Variants in UPF2 observed in about 807,000 individuals in gnomAD.
The protein encoded by UPF2 is UPF2 regulator of nonsense mediated mRNA decay.
Under a neutral mutation model 141.4 loss-of-function variants are expected in UPF2, and 17 were observed. The ratio of observed to expected loss-of-function variants is 0.12; its 90% CI spans 0.08 to 0.18. The LOEUF (loss-of-function observed/expected upper bound fraction) is 0.18, where lower values mean the gene tolerates loss of function less well. Among genes scored for constraint, UPF2 ranks in the 10% least tolerant of loss-of-function variants. UPF2 has a pLI of 1.00. For synonymous variants in UPF2, 540 were observed against 498.0 expected, an observed-to-expected ratio of 1.08 and a Z score of -1.12; for missense variants, 1,152 against 1,515.9, an observed-to-expected ratio of 0.76 and a Z score of 3.99.
chr10:11,920,034 C>T lies in UPF2; in HGVS notation c.*1264G>A, dbSNP rs541761394. The T allele has an allele frequency of 2.0e-5, 3 of 152,346 alleles. No homozygotes were observed. The highest frequency in any genetic ancestry group is 3.9e-4 in the East Asian group (2 of 5,188). 9.4% of individuals were successfully genotyped at this position (152,346 alleles called of 1,614,324 possible). On this transcript the variant is annotated 3_prime_UTR_variant, in exon 22 of 22. Transcript: ENST00000357604. ...ACCACGCCAAATCTAAATTACAACA[C>T]TTTATTGCAGCATCGGCAAAGGTCA... is the stretch of plus-strand genomic sequence containing the variant.
intron 8 of UPF2, among the ~76,000 whole-genome samples, chr10:11,983,038 G>C (rs1833625080): frequency 1.3e-5 from 2 of 152,180 alleles, no homozygotes; most frequent in African/African-American, 2.4e-5. Flanking sequence ...GTGGCAGACA[G>C]TTCACCAGCA....
chr10:12,005,722 C>G (rs1834024555), intron 4 of UPF2, among the ~76,000 whole-genome samples: 1 of 152,128 alleles, frequency 6.6e-6, no homozygotes, highest in Admixed American at 6.5e-5. Flanking sequence ...GCGCCCGCCA[C>G]CACACTTGGC....
At position 11,936,735 on chromosome 10, in the gene UPF2, T is replaced by A; in HGVS notation, c.3379-23A>T. 6.3e-7 allele frequency: 1 copy of A among 1,592,450 alleles called. No homozygotes were observed. Among genetic ancestry groups the A allele is most frequent in the Non-Finnish European group, 8.5e-7 (1 of 1,169,978 alleles). ...TTGCTAAAAGAAATTAAAAAGGACA[T>A]AATAAACACTCCAAGATATATACGG... On this transcript the variant is annotated intron_variant, in intron 18 of 21. Transcript: ENST00000357604. This position sits in a 1 kb window ranked among gnomAD's most constrained non-coding sequence, Gnocchi z 6.6.
At chr10:12,033,214 G>C (rs961881280) in intron 2 of UPF2, among the ~76,000 whole-genome samples, 2 of 151,788 alleles carry the variant, frequency 1.3e-5, no homozygotes, top group Non-Finnish European at 2.9e-5. Flanking sequence ...GACTAACTTA[G>C]AAAAAAAAGA....
In UPF2 at chr10:11,935,290, G is replaced by A. The variant is rs568687029; in HGVS notation, c.3546+1255C>T. ...CCTCCCAACACCAGAATGAAAGCTC[G>A]CAAGAGAGGAAGGACTCTGGCTAAC... On this transcript the variant is annotated intron_variant, in intron 19 of 21. Coordinates refer to ENST00000357604, the MANE Select transcript of UPF2 (RefSeq NM_015542.4). This position sits in a 1 kb window ranked among gnomAD's most constrained non-coding sequence, Gnocchi z 4.9. Among the ~76,000 whole-genome samples, 8 of 152,216 alleles carry A rather than the reference G, an allele frequency of 5.3e-5. No individual in the cohort carries two copies. The South Asian group carries it at 1.2e-3, about 24-fold the overall frequency.
At chr10:11,937,133 AC>A (rs1337230552) in intron 18 of UPF2, among the ~76,000 whole-genome samples, 15 of 152,370 alleles carry the variant, frequency 9.8e-5, no homozygotes, top group African/African-American at 2.4e-4. Flanking sequence ...GCAGGGCGTT[AC>A]CCACAGCAGG....
intron 3 of UPF2, among the ~76,000 whole-genome samples, chr10:12,015,250 A>C (rs993817688): frequency 6.6e-6 from 1 of 152,230 alleles, no homozygotes; most frequent in Non-Finnish European, 1.5e-5. Flanking sequence ...CAGTGAAGAA[A>C]ACGAGGTTTT....
At chr10:11,928,615 A>G in intron 21 of UPF2, 1 of 196,064 alleles carries the variant, frequency 5.1e-6, no homozygotes, top group South Asian at 6.8e-5. Flanking sequence ...AGGCTGAGGC[A>G]GGAGAATGGC....
chr10:12,005,419 T>A (rs1163866886), intron 4 of UPF2, among the ~76,000 whole-genome samples: 2 of 152,146 alleles, frequency 1.3e-5, no homozygotes, highest in Non-Finnish European at 2.9e-5. Context: ...AAAGTTTAGG[T>A]AATTTCAACA....
chr10:12,017,385 A>T (rs1029998488), intron 3 of UPF2, among the ~76,000 whole-genome samples: 2 of 152,242 alleles, frequency 1.3e-5, no homozygotes, highest in East Asian at 3.8e-4. Flanking sequence ...TATAAGCAGT[A>T]GCAAGGTGAT....
chr10:12,007,834 GTAATAA>G (rs140872031), intron 4 of UPF2, among the ~76,000 whole-genome samples: 11,732 of 134,472 alleles, frequency 0.087, 666 homozygotes, highest in South Asian at 0.25. Flanking sequence ...CCGTCTCAAA[GTAATAA>G]TAATAATAAT....
chr10:12,029,195 C>T lies in UPF2; in HGVS notation c.695G>A (p.Arg232His), dbSNP rs1834471998. 1 of 1,614,082 alleles carries T rather than the reference C, an allele frequency of 6.2e-7. No homozygotes were observed. The highest frequency in any genetic ancestry group is 1.7e-5 in the Admixed American group (1 of 59,990). Residue 232 changes from arginine (R) to histidine (H), a missense_variant, in exon 3 of 22, where the codon CGT (arginine) becomes CAT (histidine). Transcript: ENST00000357604. Reference protein sequence around the residue: ...AVHLCSLFHQRYADFAPSLLQ... With the variant: ...AVHLCSLFHQHYADFAPSLLQ... Reference sequence around the variant, plus strand: ...AAGTGATGGGGCAAAGTCAGCATAACGCTGGTGAAAGAGAGAGCAGAGGTG... The same window carrying T: ...AAGTGATGGGGCAAAGTCAGCATAATGCTGGTGAAAGAGAGAGCAGAGGTG...
intron 3 of UPF2, among the ~76,000 whole-genome samples, chr10:12,015,757 T>C (rs899584366): frequency 5.3e-5 from 8 of 152,148 alleles, no homozygotes; most frequent in African/African-American, 2.4e-5. Flanking sequence ...TATTTTCAAT[T>C]TTCCGAATAT....
intron 9 of UPF2, among the ~76,000 whole-genome samples, chr10:11,970,414 C>G (rs1833397226): frequency 6.6e-6 from 1 of 151,886 alleles, no homozygotes; most frequent in Admixed American, 6.6e-5. Context: ...AGTAATGAAA[C>G]TGGGATTTTT....
chr10:11,990,591 A>C (rs2131248567), intron 8 of UPF2, among the ~76,000 whole-genome samples: 1 of 151,412 alleles, frequency 6.6e-6, no homozygotes, highest in South Asian at 2.1e-4. Context: ...GAGGCAGGAG[A>C]ATAGCGTGAA....
At chr10:12,020,554 A>T (rs1489787349) in intron 3 of UPF2, among the ~76,000 whole-genome samples, 1 of 152,240 alleles carries the variant, frequency 6.6e-6, no homozygotes, top group African/African-American at 2.4e-5. Flanking sequence ...ATAAAATCAT[A>T]AAAAGACAGA....
chr10:12,032,439 A>G (rs890160694), intron 2 of UPF2, among the ~76,000 whole-genome samples: 5 of 152,112 alleles, frequency 3.3e-5, no homozygotes, highest in Non-Finnish European at 7.3e-5. Context: ...AGGGGGAAAA[A>G]GTGGGTAATT....
chr10:11,936,406 CTA>C lies in UPF2; in HGVS notation c.3546+137_3546+138del. On this transcript the variant is annotated intron_variant, in intron 19 of 21. Transcript: ENST00000357604. This position sits in a 1 kb window ranked among gnomAD's most constrained non-coding sequence, Gnocchi z 6.6. Reference sequence around the variant, plus strand: ...AAAACAAAAACAAAAACAAAAAAAACTATATAAGGGAAGAAATTATTCTACCA... The same window carrying C: ...AAAACAAAAACAAAAACAAAAAAAACTATAAGGGAAGAAATTATTCTACCA... 1 of 897,982 alleles carries C rather than the reference CTA, an allele frequency of 1.1e-6. No homozygotes were observed. The highest frequency in any genetic ancestry group is 1.5e-6 in the Non-Finnish European group (1 of 656,456). 55.6% of individuals were successfully genotyped at this position (897,982 alleles called of 1,614,324 possible). A position where few individuals can be genotyped will look rare whatever the true frequency, so the allele number is the denominator to read the frequency against.
intron 8 of UPF2, among the ~76,000 whole-genome samples, chr10:11,990,246 C>T (rs113000778): frequency 9.9e-5 from 15 of 152,256 alleles, no homozygotes; most frequent in African/African-American, 3.4e-4. Flanking sequence ...TATAGTTTGA[C>T]CACTTATCCT....
Sources: gnomAD v4.1 joint callset for allele counts (sites outside exome capture counted in the v4.1 genomes callset) on GRCh38, gnomAD v4.1.1 for gene constraint, Gnocchi (gnomAD v3.1) non-coding constraint, MANE v1.5 for transcripts, NCBI Gene and HGNC (gene_info 2026-07-23, HGNC 2026-07-21) for gene names.